The following MRPL21 variants were observed in gnomAD, a reference collection of about 807,000 sequenced individuals.
The protein encoded by MRPL21 is large ribosomal subunit protein bL21m.
In MRPL21, 20 loss-of-function variants were observed where a neutral mutation model predicts 27.3. The observed-to-expected ratio is 0.73, with a 90% CI of 0.52 to 1.06. The LOEUF is 1.06. Ranked by LOEUF, MRPL21 falls within the 50% of genes least tolerant of loss-of-function variation. MRPL21 has a pLI of 0.00. For missense variants in MRPL21, 249 were observed against 251.4 expected (o/e 0.99, Z 0.06); for synonymous variants, 98 against 101.5 (o/e 0.97, Z 0.21).
chr11:68,897,570 A>C (rs1857828004), intron 3 of MRPL21: 1 of 290,818 alleles, frequency 3.4e-6, no homozygotes, highest in Non-Finnish European at 6.5e-6. Context: ...ATACCTCTGC[A>C]TGTTTCTCCA....
At chr11:68,902,826 A>AC (rs1252707697) in intron 1 of MRPL21, among the ~76,000 whole-genome samples, 2 of 149,660 alleles carry the variant, frequency 1.3e-5, no homozygotes, top group African/African-American at 5.0e-5. Flanking sequence ...CAATCCTCTT[A>AC]CCCCCCATGT....
intron 2 of MRPL21, among the ~76,000 whole-genome samples, chr11:68,899,078 G>A (rs549930554): frequency 7.2e-5 from 11 of 152,146 alleles, no homozygotes; most frequent in African/African-American, 2.2e-4. Flanking sequence ...ATGAGCCACC[G>A]TGCCCAGCCC....
intron 6 of MRPL21, chr11:68,891,774 T>C (rs1344687935): frequency 1.2e-5 from 6 of 484,184 alleles, no homozygotes; most frequent in Non-Finnish European, 2.2e-5. Flanking sequence ...GACTCTAAGG[T>C]GACAGCCAAT....
intron 4 of MRPL21, among the ~76,000 whole-genome samples, chr11:68,894,486 T>C (rs1857736712): frequency 6.6e-6 from 1 of 152,154 alleles, no homozygotes; most frequent in Non-Finnish European, 1.5e-5. Context: ...GGTTTCACCA[T>C]GTTGGCTAGG....
intron 3 of MRPL21, chr11:68,897,680 G>T: frequency 1.8e-6 from 1 of 553,408 alleles, no homozygotes; most frequent in African/African-American, 1.9e-5. Flanking sequence ...AGATGGAGCA[G>T]GGGCCCCCTG....
intron 1 of MRPL21, 85 bp from the exon 2 acceptor site, chr11:68,900,690 G>C: frequency 5.8e-6 from 7 of 1,204,294 alleles, no homozygotes; most frequent in Non-Finnish European, 8.6e-6. Context: ...CACAGCTGCT[G>C]CTCCTGGTAC....
chr11:68,896,939 G>C (rs1857806678), intron 3 of MRPL21: 1 of 537,874 alleles, frequency 1.9e-6, no homozygotes, highest in African/African-American at 1.9e-5. Context: ...CAAGACTGCA[G>C]AGAACGCCCA....
At chr11:68,891,529 T>A in intron 6 of MRPL21, 134 bp from the exon 7 acceptor site, 1 of 845,938 alleles carries the variant, frequency 1.2e-6, no homozygotes, top group East Asian at 2.4e-5. Context: ...GCCGTGTTTA[T>A]CTCCAGGTGT....
At chr11:68,902,245 A>T (rs1362060688) in intron 1 of MRPL21, among the ~76,000 whole-genome samples, 1 of 152,204 alleles carries the variant, frequency 6.6e-6, no homozygotes, top group Non-Finnish European at 1.5e-5. Flanking sequence ...TGAACATAGC[A>T]TTGGAGGGGT....
In MRPL21 at chr11:68,892,670, C is replaced by A. The variant is rs557291412; in HGVS notation, c.553+220G>T. ...TGCGGAGCGTGGAGGAGAAGGGGAG[C>A]GAGGTGGGGTCACGCGTGGAGCGTG... On this transcript the variant is annotated intron_variant, in intron 6 of 6. Coordinates refer to ENST00000362034, the MANE Select transcript of MRPL21 (RefSeq NM_181514.2). 2,350 of 1,488,928 alleles carry A rather than the reference C, an allele frequency of 1.6e-3. 6 individuals carry two copies. The highest frequency in any genetic ancestry group is 1.6e-3 in the Non-Finnish European group (1,803 of 1,122,466). 92.2% of individuals were successfully genotyped at this position (1,488,928 alleles called of 1,614,324 possible).
intron 2 of MRPL21, among the ~76,000 whole-genome samples, 172 bp downstream of exon 2, chr11:68,900,376 T>C (rs547696457): frequency 6.2e-4 from 94 of 152,284 alleles, no homozygotes; most frequent in African/African-American, 2.2e-3. Context: ...AGGACCACTT[T>C]AGGCCAGGAG....
At chr11:68,893,908 T>TA (rs34351380) in intron 4 of MRPL21, among the ~76,000 whole-genome samples, 2 of 151,968 alleles carry the variant, frequency 1.3e-5, no homozygotes, top group Non-Finnish European at 2.9e-5. Flanking sequence ...TAGTCTCTAC[T>TA]AAAAAAATAC....
intron 6 of MRPL21, 144 bp downstream of exon 6, chr11:68,892,746 G>A (rs1231234387): frequency 1.9e-6 from 3 of 1,538,848 alleles, no homozygotes; most frequent in East Asian, 2.4e-5. Context: ...TCTAGGATGA[G>A]GGTGGCAAGT....
At chr11:68,891,940 G>T (rs1027588015) in intron 6 of MRPL21, 2 of 601,014 alleles carry the variant, frequency 3.3e-6, no homozygotes, top group Non-Finnish European at 5.1e-6. Flanking sequence ...CCACTATGGG[G>T]GATGTCCTCA....
intron 1 of MRPL21, among the ~76,000 whole-genome samples, chr11:68,901,551 A>G (rs1282187972): frequency 6.6e-6 from 1 of 152,204 alleles, no homozygotes; most frequent in African/African-American, 2.4e-5. Context: ...CCACCTTTTT[A>G]AAGTTCACCC....
intron 6 of MRPL21, chr11:68,891,835 G>A (rs1258469419): frequency 5.3e-5 from 25 of 470,880 alleles, no homozygotes; most frequent in Non-Finnish European, 7.5e-5. Context: ...GGTTTAGGCC[G>A]GCAACTGCAG....
chr11:68,896,446 G>T, intron 4 of MRPL21, 69 bp downstream of exon 4: 2 of 1,569,120 alleles, frequency 1.3e-6, no homozygotes, highest in Non-Finnish European at 1.7e-6. Context: ...CTCCGTGTGA[G>T]CTGGGGCGTG....
chr11:68,897,288 C>T (rs117683967), intron 3 of MRPL21, among the ~76,000 whole-genome samples: 2,728 of 152,218 alleles, frequency 0.018, 32 homozygotes, highest in Non-Finnish European at 0.029. Context: ...TTAATGGGCA[C>T]CGACCCCCCG....
intron 1 of MRPL21, among the ~76,000 whole-genome samples, chr11:68,901,292 A>C (rs988823211): frequency 1.3e-5 from 2 of 152,158 alleles, no homozygotes; most frequent in East Asian, 3.9e-4. Context: ...CCAGCCACTT[A>C]AGCTGCTTCT....
Sources: allele counts gnomAD v4.1 joint callset (sites outside exome capture counted in the v4.1 genomes callset), GRCh38; gene constraint gnomAD v4.1.1; transcripts MANE v1.5; gene names NCBI Gene and HGNC (gene_info 2026-07-23, HGNC 2026-07-21).